BTBD9: variants seen among roughly 807,000 people sequenced by gnomAD.
BTBD9 encodes the protein BTB domain containing 9.
In BTBD9, 49 loss-of-function variants were observed where a neutral mutation model predicts 64.3. That is an observed-to-expected ratio of 0.76 (90% CI 0.61 to 0.97). The LOEUF (loss-of-function observed/expected upper bound fraction) is 0.97. Ranked by LOEUF, BTBD9 falls within the 50% of genes least tolerant of loss-of-function variation. The probability of loss-of-function intolerance (pLI) is 0.00; values close to 1 mark genes in which losing one functional copy is unlikely to be tolerated. For synonymous variants in BTBD9, 260 were observed against 274.7 expected, an observed-to-expected ratio of 0.95 and a Z score of 0.53; for missense variants, 598 against 762.1, an observed-to-expected ratio of 0.78 and a Z score of 2.53.
chr6:38,422,421 A>G (rs1246455835), intron 6 of BTBD9, among the ~76,000 whole-genome samples: 1 of 152,168 alleles, frequency 6.6e-6, no homozygotes, highest in Non-Finnish European at 1.5e-5. Flanking sequence ...ATTAAATTCC[A>G]CTAAAAACAG....
chr6:38,390,430 G>T (rs1766359929), intron 6 of BTBD9, among the ~76,000 whole-genome samples: 1 of 152,130 alleles, frequency 6.6e-6, no homozygotes, highest in Non-Finnish European at 1.5e-5. Context: ...CAAAAAAGTT[G>T]TGAGACCCCT....
At chr6:38,280,229 A>G (rs139728846) in intron 8 of BTBD9, among the ~76,000 whole-genome samples, 60 of 152,296 alleles carry the variant, frequency 3.9e-4, no homozygotes, top group Non-Finnish European at 8.1e-4. Flanking sequence ...ATGCATTCAC[A>G]CAGTTCAGAC....
chr6:38,210,549 TG>T (rs1302822804), intron 9 of BTBD9, among the ~76,000 whole-genome samples: 40 of 145,078 alleles, frequency 2.8e-4, no homozygotes, highest in African/African-American at 7.4e-4. Flanking sequence ...TGTGTGTGTG[TG>T]TGTGTGTGTG....
intron 6 of BTBD9, among the ~76,000 whole-genome samples, chr6:38,497,644 T>C (rs532858587): frequency 2.0e-5 from 3 of 152,152 alleles, no homozygotes; most frequent in Admixed American, 2.0e-4. Context: ...AAAAGAAAAC[T>C]GAGAAGAATA....
At chr6:38,508,318 C>G (rs1009755499) in intron 6 of BTBD9, among the ~76,000 whole-genome samples, 21 of 152,108 alleles carry the variant, frequency 1.4e-4, no homozygotes, top group Non-Finnish European at 2.2e-4. Context: ...AATGGTACCT[C>G]CATCCCTCCC....
At chr6:38,609,818 G>A (rs747332614) in intron 1 of BTBD9, among the ~76,000 whole-genome samples, 5 of 152,112 alleles carry the variant, frequency 3.3e-5, no homozygotes, top group Non-Finnish European at 7.4e-5. Flanking sequence ...CTGTTCCTTA[G>A]AATTTCATCA....
chr6:38,446,227 T>C (rs1025650410), intron 6 of BTBD9, among the ~76,000 whole-genome samples: 5 of 152,150 alleles, frequency 3.3e-5, no homozygotes, highest in East Asian at 1.9e-4. Flanking sequence ...TCACAAGAGA[T>C]TGACCACAGA....
chr6:38,250,944 T>C (rs1278992615), intron 9 of BTBD9, among the ~76,000 whole-genome samples: 1 of 151,958 alleles, frequency 6.6e-6, no homozygotes, highest in African/African-American at 2.4e-5. Context: ...TAGCTGGGTG[T>C]AGTGGCGTGT....
rs1764229251 is a variant in BTBD9 at position 38,345,095 on chromosome 6, T to C, written c.1155-2A>G. On this transcript the variant is annotated splice_acceptor_variant, in intron 6 of 10. Coordinates refer to ENST00000481247, the MANE Select transcript of BTBD9 (RefSeq NM_001099272.2). LOFTEE classifies it high-confidence loss of function. ...TGAGTCCCAACAATTCGAATATACC[T>C]GACGGTAAAAAGAAAAGAAAATGTG... 3.8e-6 allele frequency: 6 copies of C among 1,582,664 alleles called. No individual in the cohort carries two copies. Among genetic ancestry groups the C allele is most frequent in the Non-Finnish European group, 5.2e-6 (6 of 1,157,100 alleles).
intron 6 of BTBD9, among the ~76,000 whole-genome samples, chr6:38,486,139 C>G (rs1289852083): frequency 6.6e-6 from 1 of 152,236 alleles, no homozygotes; most frequent in Non-Finnish European, 1.5e-5. Flanking sequence ...CCGCACCTCT[C>G]TCAGCCTTCA....
At chr6:38,346,537 G>C (rs1264374424) in intron 6 of BTBD9, among the ~76,000 whole-genome samples, 1 of 145,146 alleles carries the variant, frequency 6.9e-6, no homozygotes, top group African/African-American at 2.5e-5. Flanking sequence ...ATGTACCAGA[G>C]CCCACTGGTT....
At chr6:38,564,018 G>A (rs1489302515) in intron 6 of BTBD9, among the ~76,000 whole-genome samples, 1 of 152,004 alleles carries the variant, frequency 6.6e-6, no homozygotes, top group Non-Finnish European at 1.5e-5. Context: ...TCCTGACCTT[G>A]TGATCCGCCC....
In BTBD9 at chr6:38,573,184, C is replaced by T. The variant is rs546932351; in HGVS notation, c.1154+4416G>A. 1.7e-4 allele frequency among the ~76,000 whole-genome samples: 26 copies of T among 152,066 alleles called. No homozygotes were observed. The East Asian group carries it at 4.6e-3, about 27-fold the overall frequency. ...AGTAAAATAGGATTTTTGTTTTAAA[C>T]AAATTATGTATTACATTGGCAAAAC... On this transcript the variant is annotated intron_variant, in intron 6 of 10. Coordinates refer to ENST00000481247, the MANE Select transcript of BTBD9 (RefSeq NM_001099272.2).
At chr6:38,324,799 G>C (rs914172726) in intron 7 of BTBD9, among the ~76,000 whole-genome samples, 1 of 152,126 alleles carries the variant, frequency 6.6e-6, no homozygotes, top group African/African-American at 2.4e-5. Context: ...CTCACTTTTG[G>C]ATAAAGGTCC....
At chr6:38,299,512 G>C (rs201608081) in intron 7 of BTBD9, among the ~76,000 whole-genome samples, 1 of 152,304 alleles carries the variant, frequency 6.6e-6, no homozygotes, top group African/African-American at 2.4e-5. Context: ...ATCCTCTCCA[G>C]CACCTGTTGT....
At position 38,293,208 on chromosome 6, in the gene BTBD9, T is replaced by C. The variant is rs139492122; in HGVS notation, c.1265-4747A>G. On this transcript the variant is annotated intron_variant, in intron 7 of 10. Coordinates refer to ENST00000481247, the MANE Select transcript of BTBD9 (RefSeq NM_001099272.2). ...AAACATTCCATTTGTTTTTCATGGATAGGAAAAATCAATATCGTGAAAATG... is the reference window on the plus strand; with the variant it reads ...AAACATTCCATTTGTTTTTCATGGACAGGAAAAATCAATATCGTGAAAATG... 2.3e-3 allele frequency among the ~76,000 whole-genome samples: 349 copies of C among 152,236 alleles called. 2 individuals are homozygous for C. Among genetic ancestry groups the C allele is most frequent in the African/African-American group, 8.1e-3 (336 of 41,538 alleles).
At chr6:38,264,004 G>C (rs1167915059) in intron 8 of BTBD9, among the ~76,000 whole-genome samples, 3 of 152,146 alleles carry the variant, frequency 2.0e-5, no homozygotes, top group Non-Finnish European at 4.4e-5. Context: ...AAAGAGCAGG[G>C]GTGGTGGGAA....
intron 9 of BTBD9, among the ~76,000 whole-genome samples, chr6:38,228,671 C>T (rs934367550): frequency 2.7e-5 from 4 of 150,472 alleles, no homozygotes; most frequent in East Asian, 2.0e-4. Flanking sequence ...GTCAGGAGAT[C>T]GAGACCACCC....
chr6:38,392,693 A>C (rs763609528), intron 6 of BTBD9, among the ~76,000 whole-genome samples: 3 of 152,336 alleles, frequency 2.0e-5, no homozygotes, highest in Non-Finnish European at 4.4e-5. Flanking sequence ...CAGAATCTGA[A>C]TGTAGTTCTG....
Sources: allele counts gnomAD v4.1 joint callset (sites outside exome capture counted in the v4.1 genomes callset), GRCh38; gene constraint gnomAD v4.1.1; transcripts MANE v1.5; gene names NCBI Gene and HGNC (gene_info 2026-07-23, HGNC 2026-07-21).